The following ZBTB49 variants were observed in gnomAD, a reference collection of about 807,000 sequenced individuals.
ZBTB49 encodes the protein zinc finger and BTB domain containing 49, also known as zinc finger and BTB domain-containing protein 49.
ZBTB49 carries 43 observed loss-of-function variants against 57.5 expected under a neutral mutation model. That is an observed-to-expected ratio of 0.75 (90% confidence interval 0.59 to 0.97). The LOEUF is 0.97. Among genes scored for constraint, ZBTB49 ranks in the 50% least tolerant of loss-of-function variants. The pLI, the probability that ZBTB49 is intolerant of heterozygous loss-of-function variation, is 0.00. For missense variants in ZBTB49, 938 were observed against 947.7 expected, an observed-to-expected ratio of 0.99 and a Z score of 0.13; for synonymous variants, 369 against 362.1, an observed-to-expected ratio of 1.02 and a Z score of -0.22.
chr4:4,294,564 A>G (rs1181602259), intron 1 of ZBTB49, among the ~76,000 whole-genome samples: 7 of 152,106 alleles, frequency 4.6e-5, no homozygotes, highest in Admixed American at 4.6e-4. Context: ...CGTGTTGGCT[A>G]GACTGGTCTC....
Position 4,299,808 on chromosome 4 carries a change from T to TGAGA in ZBTB49, c.-19-118_-19-117insAGAG, listed in dbSNP as rs1008222724. On this transcript the variant is annotated intron_variant, in intron 1 of 7. Transcript: ENST00000337872. Reference sequence around the variant, plus strand: ...GTGTGTGTGTGTGTGTGTGTGTGTGTGTGAGAGAGAAACTGTGATGAGAGA... The same window carrying TGAGA: ...GTGTGTGTGTGTGTGTGTGTGTGTGTGAGAGTGAGAGAGAAACTGTGATGAGAGA... The TGAGA allele has an allele frequency of 7.2e-5, 51 of 711,718 alleles. No individual in the cohort carries two copies. In the African/African-American group the frequency reaches 7.9e-4, roughly 11 times the overall value. 44.1% of individuals were successfully genotyped at this position (711,718 alleles called of 1,614,324 possible). A position where few individuals can be genotyped will look rare whatever the true frequency, so the allele number is the denominator to read the frequency against.
intron 7 of ZBTB49, among the ~76,000 whole-genome samples, chr4:4,317,850 G>A (rs1160277556): frequency 6.6e-6 from 1 of 152,140 alleles, no homozygotes; most frequent in Non-Finnish European, 1.5e-5. Flanking sequence ...ATGCAGGCCT[G>A]CACTGCACAG....
Position 4,315,731 on chromosome 4 carries a change from G to A in ZBTB49, c.1459+13G>A. ...ATCTGTGGTCGAGGTACAGCTGAGT[G>A]TTTTCCTATTCTTCTTGAAGATTTC... On this transcript the variant is annotated intron_variant, in intron 6 of 7. Transcript: ENST00000337872. 6.2e-7 allele frequency: 1 copy of A among 1,612,294 alleles called. No homozygotes were observed. The highest frequency in any genetic ancestry group is 8.5e-7 in the Non-Finnish European group (1 of 1,179,954).
chr4:4,294,506 G>A (rs1315824829), intron 1 of ZBTB49, among the ~76,000 whole-genome samples: 15 of 152,186 alleles, frequency 9.9e-5, no homozygotes, highest in African/African-American at 1.7e-4. Context: ...ATAGGCATGC[G>A]TCACCACGCC....
At position 4,303,105 on chromosome 4, in the gene ZBTB49, T is replaced by A. The variant is rs1318911547; in HGVS notation, c.1255+14T>A. 5.7e-6 allele frequency: 9 copies of A among 1,571,826 alleles called. 1 individual carries two copies. The South Asian group carries it at 8.3e-5, about 14-fold the overall frequency. On this transcript the variant is annotated intron_variant, in intron 3 of 7. Transcript: ENST00000337872. ...GGTCTCATACAGGTAACTGATTCAG[T>A]ACCCACAGGCAGAAGGGAAGGACGT... is the stretch of plus-strand genomic sequence containing the variant.
intron 4 of ZBTB49, 59 bp downstream of exon 4, chr4:4,306,243 T>A: frequency 6.9e-7 from 1 of 1,451,154 alleles, no homozygotes; most frequent in Non-Finnish European, 9.6e-7. Flanking sequence ...TGTTTTTTTA[T>A]TGGAAATAAG....
At chr4:4,300,613 A>T (rs1720434023) in intron 2 of ZBTB49, among the ~76,000 whole-genome samples, 1 of 151,970 alleles carries the variant, frequency 6.6e-6, no homozygotes, top group Non-Finnish European at 1.5e-5. Flanking sequence ...ATTTATAAAT[A>T]ATAATACTAA....
chr4:4,294,653 C>G (rs1268509499), intron 1 of ZBTB49, among the ~76,000 whole-genome samples: 1 of 152,186 alleles, frequency 6.6e-6, no homozygotes, highest in Non-Finnish European at 1.5e-5. Context: ...CCGCACCCAG[C>G]CTCTAATTCC....
At chr4:4,308,715 A>C (rs76405115) in intron 4 of ZBTB49, among the ~76,000 whole-genome samples, 2,307 of 152,340 alleles carry the variant, frequency 0.015, 28 homozygotes, top group Admixed American at 0.025. Context: ...AGGGGGACAG[A>C]AATGGCCATG....
At chr4:4,291,353 G>A (rs1312950516) in intron 1 of ZBTB49, among the ~76,000 whole-genome samples, 4 of 152,070 alleles carry the variant, frequency 2.6e-5, no homozygotes, top group African/African-American at 7.2e-5. Context: ...CATCTCTGGC[G>A]TCTCTCTTTG....
intron 7 of ZBTB49, among the ~76,000 whole-genome samples, chr4:4,319,195 C>T (rs1721310237): frequency 6.6e-6 from 1 of 151,948 alleles, no homozygotes; most frequent in African/African-American, 2.4e-5. Context: ...ACCTGGCCTA[C>T]AGTATTTTTT....
chr4:4,320,937 C>T lies in ZBTB49; in HGVS notation c.1919C>T (p.Ser640Phe). ...CTCCCTGTCCACCCAGTGGAAAATT[C>T]TGTGGCAGAATTTGATAGCCACTCT... ...VKLPVHPVEN[S>F]VAEFDSHSGG... The change falls in exon 8 of 8, where the codon TCT becomes TTT. Residue 640 changes from serine (S) to phenylalanine (F), a missense_variant. This residue lies in a region of ZBTB49 where 835 missense variants were observed against 819.1 expected (regional missense o/e 1.02). Coordinates refer to ENST00000337872, the MANE Select transcript of ZBTB49 (RefSeq NM_145291.4). 2 of 1,614,240 alleles carry T rather than the reference C, an allele frequency of 1.2e-6. No homozygotes were observed. Among genetic ancestry groups the T allele is most frequent in the East Asian group, 2.2e-5 (1 of 44,884 alleles).
Position 4,321,507 on chromosome 4 carries a change from A to G in ZBTB49, c.*191A>G. 1 of 650,352 alleles carries G rather than the reference A, an allele frequency of 1.5e-6. No individual in the cohort carries two copies. Among genetic ancestry groups the G allele is most frequent in the Admixed American group, 3.1e-5 (1 of 32,390 alleles). 40.3% of individuals were successfully genotyped at this position (650,352 alleles called of 1,614,324 possible). A position where few individuals can be genotyped will look rare whatever the true frequency, so the allele number is the denominator to read the frequency against. Reference sequence around the variant, plus strand: ...TGTGAGGGGGAGGGCCTGCTGGCTCACCGTGAGGCAGCCGCGGGAGGGAGC... The same window carrying G: ...TGTGAGGGGGAGGGCCTGCTGGCTCGCCGTGAGGCAGCCGCGGGAGGGAGC... On this transcript the variant is annotated 3_prime_UTR_variant, in exon 8 of 8. Transcript: ENST00000337872.
intron 7 of ZBTB49, 125 bp from the exon 8 acceptor site, chr4:4,320,515 C>G: frequency 3.4e-6 from 4 of 1,193,756 alleles, no homozygotes; most frequent in Non-Finnish European, 4.7e-6. Flanking sequence ...TGTCATGCGC[C>G]TGTCGTCCCA....
intron 1 of ZBTB49, among the ~76,000 whole-genome samples, chr4:4,297,032 A>G (rs2108870158): frequency 6.6e-6 from 1 of 152,306 alleles, no homozygotes; most frequent in East Asian, 1.9e-4. Flanking sequence ...CACTATGGTT[A>G]TCAAGTTATA....
At chr4:4,316,007 T>G (rs768147804) in intron 7 of ZBTB49, 37 bp downstream of exon 7, 1 of 1,607,646 alleles carries the variant, frequency 6.2e-7, no homozygotes, top group Admixed American at 1.7e-5. Flanking sequence ...TAGTCATCTG[T>G]GTGTGGGAAG....
chr4:4,320,434 C>A (rs1721359183), intron 7 of ZBTB49, among the ~76,000 whole-genome samples: 1 of 151,452 alleles, frequency 6.6e-6, no homozygotes, highest in East Asian at 2.0e-4. Flanking sequence ...GTAAAAGCAT[C>A]TTTTTCCAGC....
chr4:4,306,336 C>T (rs1656123716), intron 4 of ZBTB49, 152 bp downstream of exon 4: 3 of 689,990 alleles, frequency 4.3e-6, no homozygotes, highest in Non-Finnish European at 7.4e-6. Context: ...AAATCGTTTT[C>T]AAGAAAACAG....
intron 4 of ZBTB49, among the ~76,000 whole-genome samples, chr4:4,308,565 A>C (rs1270755373): frequency 1.3e-5 from 2 of 152,226 alleles, no homozygotes; most frequent in African/African-American, 4.8e-5. Flanking sequence ...AGAGTCATAC[A>C]TAGTGATAGT....
Sources: gnomAD v4.1 joint callset for allele counts (sites outside exome capture counted in the v4.1 genomes callset) on GRCh38, gnomAD v4.1.1 for gene constraint, gnomAD v4.1.1 regional missense constraint, MANE v1.5 for transcripts, NCBI Gene and HGNC (gene_info 2026-07-23, HGNC 2026-07-21) for gene names.